ZBTB45: variants seen among roughly 807,000 people sequenced by gnomAD.
The protein encoded by ZBTB45 is zinc finger and BTB domain containing 45, also known as zinc finger and BTB domain-containing protein 45.
A neutral mutation model predicts 28.4 loss-of-function variants in ZBTB45; 22 were observed. That is an observed-to-expected ratio of 0.77 (90% CI 0.55 to 1.10). ZBTB45 has a LOEUF of 1.10. ZBTB45 is among the 50% of genes least tolerant of loss of function. ZBTB45 has a pLI of 0.00. For synonymous variants in ZBTB45, 361 were observed against 332.3 expected (o/e 1.09, Z -0.94); for missense variants, 656 against 750.2 (o/e 0.87, Z 1.47).
intron 1 of ZBTB45, among the ~76,000 whole-genome samples, chr19:58,528,881 G>A (rs550437514): frequency 1.1e-4 from 16 of 150,378 alleles, no homozygotes; most frequent in Non-Finnish European, 1.8e-4. Flanking sequence ...ATGACAGAGC[G>A]AGACTCTGTC....
At chr19:58,531,911 TTCCCTGTATAGTCTG>T (rs1312270140) in intron 1 of ZBTB45, among the ~76,000 whole-genome samples, 1 of 152,168 alleles carries the variant, frequency 6.6e-6, no homozygotes, top group African/African-American at 2.4e-5. Context: ...AGCTAGGACT[TTCCCTGTATAGTCTG>T]TCCCTGTACA....
At position 58,517,395 on chromosome 19, in the gene ZBTB45, A is replaced by G. The variant is rs781185189; in HGVS notation, c.279T>C (p.Val93=). Residue 93 remains valine, a synonymous_variant, in exon 2 of 3, where the codon GTT becomes GTC. Coordinates refer to ENST00000594051, the MANE Select transcript of ZBTB45 (RefSeq NM_001316979.2). ...LVEFLYSGSL[V]VAQGEALQVL... is the part of the protein sequence containing the mutation. ...CCTGCAGGGCTTCACCCTGCGCCAC[A>G]ACGAGCGAACCGCTGTACAGGAACT... 2.5e-5 allele frequency: 40 copies of G among 1,612,890 alleles called. No homozygotes were observed. The South Asian group carries it at 4.2e-4, about 17-fold the overall frequency.
intron 1 of ZBTB45, among the ~76,000 whole-genome samples, chr19:58,518,051 GC>G (rs2053538173): frequency 1.2e-5 from 1 of 86,032 alleles, no homozygotes; most frequent in South Asian, 4.1e-4. Context: ...CTCCCCATGT[GC>G]CCCTCCAAGA....
Position 58,514,190 on chromosome 19 carries a change from C to T in ZBTB45, c.1400G>A (p.Arg467His), listed in dbSNP as rs1433770983. Reference protein sequence around the residue: ...RAFQCAVCAKRFTQKSSLNVH... With the variant: ...RAFQCAVCAKHFTQKSSLNVH... ...GTTGAGCGAGCTCTTCTGCGTGAAG[C>T]GCTTGGCGCAGACGGCGCACTGGAA... The change falls in exon 3 of 3, where the codon CGC becomes CAC. Residue 467 changes from arginine (R) to histidine (H), a missense_variant. Coordinates refer to ENST00000594051, the MANE Select transcript of ZBTB45 (RefSeq NM_001316979.2). 1.2e-6 allele frequency: 2 copies of T among 1,612,426 alleles called. No homozygotes were observed. Among genetic ancestry groups the T allele is most frequent in the African/African-American group, 2.7e-5 (2 of 74,912 alleles).
Position 58,514,116 on chromosome 19 carries a change from C to T in ZBTB45, c.1474G>A (p.Gly492Ser). 3.7e-6 allele frequency: 6 copies of T among 1,602,296 alleles called. No homozygotes were observed. The highest frequency in any genetic ancestry group is 2.2e-5 in the South Asian group (2 of 90,418). Residue 492 changes from glycine to serine, a missense_variant, in exon 3 of 3, where the codon GGC (glycine) becomes AGC (serine). This residue lies in a region of ZBTB45 where 103 missense variants were observed against 153.5 expected (regional missense o/e 0.67). Transcript: ENST00000594051. Reference sequence around the variant, plus strand: ...AGCGCGCGGTGCGAGAAGACCTTGCCGCAGGCGGGGCAGGGCGCGCGCTCG... The same window carrying T: ...AGCGCGCGGTGCGAGAAGACCTTGCTGCAGGCGGGGCAGGGCGCGCGCTCG... ...RPERAPCPAC[G>S]KVFSHRALLE...
At chr19:58,524,759 T>C (rs2053598739), upstream of ZBTB45, among the ~76,000 whole-genome samples, 1 of 151,688 alleles carries the variant, frequency 6.6e-6, no homozygotes, top group Admixed American at 6.6e-5. Context: ...GGCAGGCGCC[T>C]GTAGTCCCAG....
Position 58,514,137 on chromosome 19 carries a change from G to A in ZBTB45, c.1453C>T (p.Arg485Cys). Reference sequence around the variant, plus strand: ...TTGCCGCAGGCGGGGCAGGGCGCGCGCTCGGGCCGGTGAGTGCGCATGTGC... The same window carrying A: ...TTGCCGCAGGCGGGGCAGGGCGCGCACTCGGGCCGGTGAGTGCGCATGTGC... ...NVHMRTHRPERAPCPACGKVF... is the reference protein window; with the variant it reads ...NVHMRTHRPECAPCPACGKVF... The change falls in exon 3 of 3, where the codon CGC becomes TGC. Residue 485 changes from arginine (R) to cysteine (C), a missense_variant. Coordinates refer to ENST00000594051, the MANE Select transcript of ZBTB45 (RefSeq NM_001316979.2). 6.2e-7 allele frequency: 1 copy of A among 1,602,392 alleles called. No homozygotes were observed. Among genetic ancestry groups the A allele is most frequent in the Non-Finnish European group, 8.5e-7 (1 of 1,175,168 alleles).
At chr19:58,532,225 A>G (rs2053638842) in intron 1 of ZBTB45, among the ~76,000 whole-genome samples, 1 of 152,210 alleles carries the variant, frequency 6.6e-6, no homozygotes, top group African/African-American at 2.4e-5. Flanking sequence ...ATGGCCCCCA[A>G]TGATATATAC....
chr19:58,518,098 C>T (rs989518534), intron 1 of ZBTB45, among the ~76,000 whole-genome samples: 2 of 151,696 alleles, frequency 1.3e-5, no homozygotes, highest in African/African-American at 2.4e-5. Flanking sequence ...CAGGGACCCC[C>T]ATCCCAACTG....
chr19:58,516,451 C>G lies in ZBTB45; in HGVS notation c.1223G>C (p.Cys408Ser). The G allele has an allele frequency of 6.2e-7, 1 of 1,614,014 alleles. No individual in the cohort carries two copies. The highest frequency in any genetic ancestry group is 8.5e-7 in the Non-Finnish European group (1 of 1,179,896). Reference sequence around the variant, plus strand: ...TTTCCGGGAGCTGAACGTCTTGCGACAGTGGCTGCACTCATACGTAGGTGG... The same window carrying G: ...TTTCCGGGAGCTGAACGTCTTGCGAGAGTGGCTGCACTCATACGTAGGTGG... ...AEPPTYECSH[C>S]RKTFSSRKNY... is the part of the protein sequence containing the mutation. The change falls in exon 2 of 3, where the codon TGT becomes TCT. Residue 408 changes from cysteine to serine, a missense_variant. Around this residue, in one of 3 missense-constraint regions of ZBTB45, gnomAD observed 448 missense variants for 444.3 expected, o/e 1.01. Coordinates refer to ENST00000594051, the MANE Select transcript of ZBTB45 (RefSeq NM_001316979.2). The surrounding 1 kb of genome is among the most constrained non-coding windows in gnomAD (Gnocchi z 6.2).
chr19:58,521,155 G>A (rs1183172686), upstream of ZBTB45, among the ~76,000 whole-genome samples: 4 of 148,870 alleles, frequency 2.7e-5, no homozygotes, highest in Non-Finnish European at 3.0e-5. Flanking sequence ...ATGAGGTCAG[G>A]AGATCGAGAC....
intron 1 of ZBTB45, among the ~76,000 whole-genome samples, chr19:58,535,943 A>G (rs1379705460): frequency 6.6e-6 from 1 of 152,140 alleles, no homozygotes; most frequent in Non-Finnish European, 1.5e-5. Flanking sequence ...GAGCCCAGAG[A>G]ATAACATTCT....
chr19:58,517,425 C>G lies in ZBTB45; in HGVS notation c.249G>C (p.Leu83=). ...GCGAACCGCTGTACAGGAACTCTAC[C>G]AGCTGTCGCACTGTCTGCGCGGGCA... is the stretch of plus-strand genomic sequence containing the variant. ...PVVPAQTVRQ[L]VEFLYSGSLV... is the part of the protein sequence containing the mutation. Residue 83 remains leucine, a synonymous_variant, in exon 2 of 3, where the codon CTG becomes CTC. Coordinates refer to ENST00000594051, the MANE Select transcript of ZBTB45 (RefSeq NM_001316979.2). 1 of 1,613,026 alleles carries G rather than the reference C, an allele frequency of 6.2e-7. No homozygotes were observed. Among genetic ancestry groups the G allele is most frequent in the Non-Finnish European group, 8.5e-7 (1 of 1,179,864 alleles).
upstream of ZBTB45, among the ~76,000 whole-genome samples, chr19:58,523,746 C>G (rs1181192659): frequency 1.5e-5 from 2 of 137,662 alleles, no homozygotes; most frequent in Non-Finnish European, 1.6e-5. Context: ...TCCTGGCTCA[C>G]TGCAAGCTCC....
intron 1 of ZBTB45, among the ~76,000 whole-genome samples, chr19:58,528,360 C>G (rs565485666): frequency 6.6e-6 from 1 of 151,864 alleles, no homozygotes; most frequent in Non-Finnish European, 1.5e-5. Flanking sequence ...GGGTTCAAAC[C>G]GATACTAGAG....
intron 2 of ZBTB45, 146 bp from the exon 3 acceptor site, chr19:58,514,456 G>T: frequency 9.5e-7 from 1 of 1,055,634 alleles, no homozygotes; most frequent in Non-Finnish European, 1.3e-6. Flanking sequence ...TTGCCTATCA[G>T]AGAACCCTCC....
intron 1 of ZBTB45, among the ~76,000 whole-genome samples, chr19:58,528,909 T>G (rs923581094): frequency 6.9e-6 from 1 of 145,182 alleles, no homozygotes; most frequent in Non-Finnish European, 1.5e-5. Flanking sequence ...ATAATAATAA[T>G]AATTAAAACA....
intron 1 of ZBTB45, among the ~76,000 whole-genome samples, chr19:58,526,295 C>T (rs2053606324): frequency 6.6e-6 from 1 of 152,026 alleles, no homozygotes; most frequent in Non-Finnish European, 1.5e-5. Context: ...CTGCAACCTC[C>T]ACCTCCCGGG....
At chr19:58,522,427 G>A (rs2053583819), upstream of ZBTB45, among the ~76,000 whole-genome samples, 1 of 151,942 alleles carries the variant, frequency 6.6e-6, no homozygotes, top group African/African-American at 2.4e-5. Flanking sequence ...CTCCTAAAGT[G>A]CTGGGATTAC....
Sources: allele counts gnomAD v4.1 joint callset (sites outside exome capture counted in the v4.1 genomes callset), GRCh38; gene constraint gnomAD v4.1.1; regional missense constraint gnomAD v4.1.1; non-coding constraint Gnocchi (gnomAD v3.1); transcripts MANE v1.5; gene names NCBI Gene and HGNC (gene_info 2026-07-23, HGNC 2026-07-21).